The following MMAB variants were observed in gnomAD, a reference collection of about 807,000 sequenced individuals.
The protein encoded by MMAB is metabolism of cobalamin associated B.
Under a neutral mutation model 30.6 loss-of-function variants are expected in MMAB, and 17 were observed. The ratio of observed to expected loss-of-function variants is 0.56; its 90% CI spans 0.38 to 0.83. The LOEUF (loss-of-function observed/expected upper bound fraction) is 0.83. Among genes scored for constraint, MMAB ranks in the 40% least tolerant of loss-of-function variants. MMAB has a pLI of 0.00. For synonymous variants in MMAB, 134 were observed against 138.6 expected, an observed-to-expected ratio of 0.97 and a Z score of 0.23; for missense variants, 311 against 331.6, an observed-to-expected ratio of 0.94 and a Z score of 0.48.
chr12:109,556,376 T>A lies in MMAB; in HGVS notation c.*652A>T. On this transcript the variant is annotated 3_prime_UTR_variant, in exon 9 of 9. Transcript: ENST00000545712. ...GCATCTCCATCCCTTTCAGAGGGGG[T>A]CCTCTAAGCTGCACCCCCATCACAC... 2 of 453,844 alleles carry A rather than the reference T, an allele frequency of 4.4e-6. No individual in the cohort carries two copies. The highest frequency in any genetic ancestry group is 3.1e-5 in the South Asian group (2 of 64,456). The allele number at this position is 453,844 out of a possible 1,614,324, so 28.1% of individuals were successfully genotyped here.
Position 109,559,202 on chromosome 12 carries a change from C to A in MMAB, c.585-47G>T, listed in dbSNP as rs200580164. The A allele has an allele frequency of 5.7e-5, 81 of 1,420,080 alleles. No individual in the cohort carries two copies. In the African/African-American group the frequency reaches 9.2e-4, roughly 16 times the overall value. 88.0% of individuals were successfully genotyped at this position (1,420,080 alleles called of 1,614,324 possible). On this transcript the variant is annotated intron_variant, in intron 7 of 8. Coordinates refer to ENST00000545712, the MANE Select transcript of MMAB (RefSeq NM_052845.4). The stretch of plus-strand genomic sequence containing the variant: ...AGTCACGTGACATTATGGGGCTCAA[C>A]AGGCTCTGACCTGGGCCTAAACCTT...
rs1884747870 is a variant in MMAB at position 109,573,473 on chromosome 12, A to C, written c.8T>G (p.Val3Gly). 1 of 1,604,120 alleles carries C rather than the reference A, an allele frequency of 6.2e-7. No homozygotes were observed. Among genetic ancestry groups the C allele is most frequent in the African/African-American group, 1.3e-5 (1 of 74,944 alleles). Residue 3 changes from valine to glycine, a missense_variant, in exon 1 of 9, where the codon GTG becomes GGG. By Grantham distance (109) the Val-to-Gly change is moderately radical (BLOSUM62 -3). Transcript: ENST00000545712. MA[V>G]CGLGSRLGLG... The stretch of plus-strand genomic sequence containing the variant: ...GCCAAGACGGCTCCCCAGGCCGCAC[A>C]CAGCCATGAGCCAGGCTGCTTGACG...
In MMAB at chr12:109,555,277, T is replaced by G. The variant is rs1261525382; in HGVS notation, c.*1751A>C. On this transcript the variant is annotated 3_prime_UTR_variant, in exon 9 of 9. Transcript: ENST00000545712. ...GCCTTAGTGATTGCGTTTTCAGGGTTTTTTTTTTTTTTTTTTTTTTTTTGT... is the reference window on the plus strand; with the variant it reads ...GCCTTAGTGATTGCGTTTTCAGGGTGTTTTTTTTTTTTTTTTTTTTTTTGT... 1 of 163,042 alleles carries G rather than the reference T, an allele frequency of 6.1e-6. No individual in the cohort carries two copies. The highest frequency in any genetic ancestry group is 1.1e-4 in the East Asian group (1 of 9,204). The allele number at this position is 163,042 out of a possible 1,614,324, so 10.1% of individuals were successfully genotyped here.
chr12:109,555,914 C>A lies in MMAB; in HGVS notation c.*1114G>T. The stretch of plus-strand genomic sequence containing the variant: ...CTGTCCCGAGCCTAGCGCGGTGGCC[C>A]ATGCTAAGCAGCCACTCAGTCAATA... On this transcript the variant is annotated 3_prime_UTR_variant, in exon 9 of 9. Transcript: ENST00000545712. 1 of 454,104 alleles carries A rather than the reference C, an allele frequency of 2.2e-6. No homozygotes were observed. The highest frequency in any genetic ancestry group is 1.6e-5 in the South Asian group (1 of 64,462). The allele number at this position is 454,104 out of a possible 1,614,324, so 28.1% of individuals were successfully genotyped here. A position where few individuals can be genotyped will look rare whatever the true frequency, so the allele number is the denominator to read the frequency against.
At chr12:109,571,249 G>T (rs4499061) in intron 2 of MMAB, among the ~76,000 whole-genome samples, 25,499 of 150,866 alleles carry the variant, frequency 0.17, 2,210 homozygotes, top group African/African-American at 0.18. Context: ...TTTTTTTTCT[G>T]AGACTTTTTT....
intron 2 of MMAB, 44 bp downstream of exon 2, chr12:109,571,605 T>A (rs745446166): frequency 6.5e-7 from 1 of 1,547,350 alleles, no homozygotes; most frequent in South Asian, 1.1e-5. Context: ...AAATGGTGTA[T>A]GCCATGAGTA....
At chr12:109,565,862 C>T (rs2099817868) in intron 3 of MMAB, among the ~76,000 whole-genome samples, 1 of 152,072 alleles carries the variant, frequency 6.6e-6, no homozygotes, top group African/African-American at 2.4e-5. Flanking sequence ...AGCAAACTGC[C>T]CCCCGACACA....
At chr12:109,560,912 C>T in intron 7 of MMAB, 128 bp downstream of exon 7, 1 of 936,344 alleles carries the variant, frequency 1.1e-6, no homozygotes, top group Non-Finnish European at 1.7e-6. Flanking sequence ...GCTGTACCTG[C>T]CTCCTGCCCG....
intron 7 of MMAB, among the ~76,000 whole-genome samples, chr12:109,560,713 A>G (rs2136197415): frequency 6.6e-6 from 1 of 152,340 alleles, no homozygotes; most frequent in Non-Finnish European, 1.5e-5. Context: ...CTGTTCTCAG[A>G]ATACAGGGCT....
intron 3 of MMAB, 105 bp downstream of exon 3, chr12:109,568,665 A>C: frequency 1.1e-6 from 1 of 922,234 alleles, no homozygotes; most frequent in South Asian, 1.3e-5. Context: ...ATAAGGGCTG[A>C]CAACCTCCGA....
At chr12:109,563,836 C>T (rs530977210) in intron 4 of MMAB, among the ~76,000 whole-genome samples, 24 of 152,318 alleles carry the variant, frequency 1.6e-4, no homozygotes, top group South Asian at 6.2e-4. Flanking sequence ...GGCTTCAGAA[C>T]GGAAGTGGGA....
At chr12:109,566,627 C>T (rs999012943) in intron 3 of MMAB, among the ~76,000 whole-genome samples, 2 of 152,238 alleles carry the variant, frequency 1.3e-5, no homozygotes, top group African/African-American at 4.8e-5. Flanking sequence ...CCAGTGAGTG[C>T]TGCCTGCTCC....
Position 109,573,451 on chromosome 12 carries a change from A to G in MMAB, c.30T>C (p.Leu10=), listed in dbSNP as rs757088429. The change falls in exon 1 of 9, where the codon CTT becomes CTC. Residue 10 remains leucine (L), a synonymous_variant. Transcript: ENST00000545712. MAVCGLGSR[L]GLGSRLGLRG... ...GCAGGCCAAGACGGCTCCCCAGGCC[A>G]AGACGGCTCCCCAGGCCGCACACAG... The G allele has an allele frequency of 1.2e-6, 2 of 1,607,812 alleles. No individual in the cohort carries two copies. Among genetic ancestry groups the G allele is most frequent in the Non-Finnish European group, 1.7e-6 (2 of 1,178,970 alleles).
rs11067233 is a variant in MMAB, at chr12:109,556,403, C to G, written c.*625G>C. The stretch of plus-strand genomic sequence containing the variant: ...CTCTAAGCTGCACCCCCATCACACA[C>G]ACTTCAATCTAAGCCAGGAGTTTCT... On this transcript the variant is annotated 3_prime_UTR_variant, in exon 9 of 9. Transcript: ENST00000545712. 110,968 of 453,852 alleles carry G rather than the reference C, an allele frequency of 0.24. 14,242 individuals are homozygous for G. The highest frequency in any genetic ancestry group is 0.29 in the Middle Eastern group (414 of 1,442). The allele number at this position is 453,852 out of a possible 1,614,324, so 28.1% of individuals were successfully genotyped here.
rs375376922 is a variant in MMAB at position 109,573,487 on chromosome 12, G to T, written c.-7C>A. The T allele has an allele frequency of 2.5e-6, 4 of 1,599,160 alleles. No homozygotes were observed. The African/African-American group carries it at 4.0e-5, about 16-fold the overall frequency. ...CCAGGCCGCACACAGCCATGAGCCA[G>T]GCTGCTTGACGGGACCTGACCCCGC... is the stretch of plus-strand genomic sequence containing the variant. On this transcript the variant is annotated 5_prime_UTR_variant, in exon 1 of 9. The change creates a new upstream start codon in the 5' untranslated region. Transcript: ENST00000545712.
At chr12:109,568,624 C>G in intron 3 of MMAB, 146 bp downstream of exon 3, 1 of 745,398 alleles carries the variant, frequency 1.3e-6, no homozygotes, top group South Asian at 1.4e-5. Context: ...TGGAGCTGAC[C>G]AGCCTGTGCT....
At position 109,554,584 on chromosome 12, in the gene MMAB, G is replaced by C; in HGVS notation, c.*2444C>G. 1 of 454,108 alleles carries C rather than the reference G, an allele frequency of 2.2e-6. No homozygotes were observed. The highest frequency in any genetic ancestry group is 1.6e-5 in the South Asian group (1 of 64,478). 28.1% of individuals were successfully genotyped at this position (454,108 alleles called of 1,614,324 possible). A position where few individuals can be genotyped will look rare whatever the true frequency, so the allele number is the denominator to read the frequency against. ...AAAACCCCGTGTTCCCGTGCAATGG[G>C]ACTGATTGTTTCTGAGAGTTGCCAG... On this transcript the variant is annotated 3_prime_UTR_variant, in exon 9 of 9. Coordinates refer to ENST00000545712, the MANE Select transcript of MMAB (RefSeq NM_052845.4).
rs115854544 is a variant in MMAB, at chr12:109,566,934, A to G, written c.291-1758T>C. ...CTCTTCTGGACCCCCTCCCACACAC[A>G]CCAAGGGGTTTGTTTGCCTTCTCTA... On this transcript the variant is annotated intron_variant, in intron 3 of 8. Transcript: ENST00000545712. 6.0e-3 allele frequency: 2,743 copies of G among 455,142 alleles called. 36 individuals are homozygous for G. Among genetic ancestry groups the G allele is most frequent in the African/African-American group, 0.032 (1,596 of 50,044 alleles). The allele number at this position is 455,142 out of a possible 1,614,324, so 28.2% of individuals were successfully genotyped here.
chr12:109,564,873 C>A, intron 4 of MMAB: 1 of 606,956 alleles, frequency 1.6e-6, no homozygotes, highest in South Asian at 1.9e-5. Flanking sequence ...GAGTCAGGGT[C>A]TTATTATGTT....
Sources: allele counts gnomAD v4.1 joint callset (sites outside exome capture counted in the v4.1 genomes callset), GRCh38; gene constraint gnomAD v4.1.1; transcripts MANE v1.5; gene names NCBI Gene and HGNC (gene_info 2026-07-23, HGNC 2026-07-21).